Variants in DOCK9 observed in about 807,000 individuals in gnomAD.
DOCK9 encodes dedicator of cytokinesis protein 9.
Under a neutral mutation model 263.3 loss-of-function variants are expected in DOCK9, and 89 were observed. That is an observed-to-expected ratio of 0.34 (90% CI 0.28 to 0.40). The LOEUF (loss-of-function observed/expected upper bound fraction) is 0.40. Among genes scored for constraint, DOCK9 ranks in the 10% least tolerant of loss-of-function variants. The probability of loss-of-function intolerance (pLI) is 1.00; values close to 1 mark genes in which losing one functional copy is unlikely to be tolerated. For synonymous variants in DOCK9, 976 were observed against 973.1 expected (o/e 1.00, Z -0.06); for missense variants, 2,140 against 2,603.4 (o/e 0.82, Z 3.87).
intron 7 of DOCK9, among the ~76,000 whole-genome samples, chr13:98,917,298 A>G (rs2051041991): frequency 6.6e-6 from 1 of 152,234 alleles, no homozygotes; most frequent in African/African-American, 2.4e-5. Context: ...TTTTGCTTTA[A>G]CCTTCTTTTT....
At chr13:98,915,895 G>A (rs1398136036) in intron 7 of DOCK9, among the ~76,000 whole-genome samples, 1 of 152,082 alleles carries the variant, frequency 6.6e-6, no homozygotes, top group Non-Finnish European at 1.5e-5. Flanking sequence ...GAAATTTCAT[G>A]TAAAATTTTC....
intron 2 of DOCK9, among the ~76,000 whole-genome samples, chr13:98,938,219 G>A (rs148207279): frequency 4.6e-5 from 7 of 152,322 alleles, no homozygotes; most frequent in Middle Eastern, 3.4e-3. Flanking sequence ...AATGTGAAGC[G>A]AATCGTTTCA....
At chr13:98,867,730 A>T (rs1235266468) in intron 29 of DOCK9, among the ~76,000 whole-genome samples, 194 bp from the exon 30 acceptor site, 1 of 152,230 alleles carries the variant, frequency 6.6e-6, no homozygotes, top group Non-Finnish European at 1.5e-5. Flanking sequence ...ACATTTCAAT[A>T]AACAATGTCT....
At chr13:98,835,466 G>A (rs1009909156) in intron 39 of DOCK9, among the ~76,000 whole-genome samples, 1 of 152,144 alleles carries the variant, frequency 6.6e-6, no homozygotes, top group Non-Finnish European at 1.5e-5. Flanking sequence ...TCCCAGCTGG[G>A]GGGAGGTGAG....
intron 2 of DOCK9, among the ~76,000 whole-genome samples, chr13:98,949,388 C>G (rs1165319187): frequency 3.3e-5 from 5 of 152,148 alleles, no homozygotes; most frequent in Non-Finnish European, 7.3e-5. Context: ...TCTTACAGAG[C>G]CTTGTACATA....
In DOCK9 at chr13:99,081,015, A is replaced by G. The variant is rs78468788; in HGVS notation, c.129+5208T>C. 5.6e-3 allele frequency among the ~76,000 whole-genome samples: 856 copies of G among 152,294 alleles called. 7 individuals carry two copies. Among genetic ancestry groups the G allele is most frequent in the Middle Eastern group, 0.01 (3 of 294 alleles). On this transcript the variant is annotated intron_variant, in intron 1 of 32. Transcript: ENST00000427887. ...TCCTCCTGACAGTGTACTAATAATC[A>G]AAAGGACTAGAAGCCAAAGGAATGG...
intron 1 of DOCK9, among the ~76,000 whole-genome samples, chr13:99,019,898 C>T (rs552313709): frequency 3.5e-4 from 53 of 152,138 alleles, no homozygotes; most frequent in Admixed American, 2.0e-4. Flanking sequence ...GTCAGGAGTT[C>T]GAGACCAGCC....
chr13:98,917,409 A>G (rs2051059522), intron 7 of DOCK9, among the ~76,000 whole-genome samples: 1 of 152,216 alleles, frequency 6.6e-6, no homozygotes, highest in African/African-American at 2.4e-5. Context: ...CAAGAAGTCA[A>G]TTCACTGTCA....
chr13:98,848,446 C>CCA (rs1401371261), intron 37 of DOCK9, 146 bp downstream of exon 37: 1 of 741,956 alleles, frequency 1.3e-6, no homozygotes, highest in East Asian at 2.7e-5. Context: ...CCAGGCTCTG[C>CCA]GGTGGCAATC....
chr13:99,086,008 G>A (rs931536877), intron 1 of DOCK9, among the ~76,000 whole-genome samples: 1 of 152,136 alleles, frequency 6.6e-6, no homozygotes, highest in African/African-American at 2.4e-5. Context: ...CAGGATCTTG[G>A]GTGGCGGGGA....
At chr13:98,866,986 C>G (rs1025663540) in intron 30 of DOCK9, 12 of 360,104 alleles carry the variant, frequency 3.3e-5, no homozygotes, top group Non-Finnish European at 5.8e-5. Context: ...CATATGGAAG[C>G]AGTTCAGCCA....
intron 2 of DOCK9, among the ~76,000 whole-genome samples, chr13:98,945,971 G>A (rs1205630813): frequency 1.3e-5 from 2 of 152,166 alleles, no homozygotes; most frequent in African/African-American, 4.8e-5. Flanking sequence ...TTGGAAAAAG[G>A]TTTGCAGGGG....
In DOCK9 at chr13:98,989,343, G is replaced by GATA. The variant is rs1367507507; in HGVS notation, c.130-33793_130-33792insTAT. Among the ~76,000 whole-genome samples the GATA allele has an allele frequency of 6.0e-3, 726 of 121,214 alleles. 3 individuals are homozygous for GATA. Among genetic ancestry groups the GATA allele is most frequent in the African/African-American group, 0.017 (538 of 32,234 alleles). The allele number at this position is 121,214 out of a possible 152,430, so 79.5% of individuals were successfully genotyped here. ...TGATGATGATGATGATGATGATGAT[G>GATA]ATGATAATAATAATAATAATAATAA... On this transcript the variant is annotated intron_variant, in intron 1 of 32. Transcript: ENST00000427887.
At chr13:98,855,127 G>T (rs1392104202) in intron 34 of DOCK9, among the ~76,000 whole-genome samples, 1 of 152,202 alleles carries the variant, frequency 6.6e-6, no homozygotes, top group Non-Finnish European at 1.5e-5. Flanking sequence ...AGTATGAGGA[G>T]GAAGTGTTGT....
At chr13:98,991,892 C>T (rs1879899957) in intron 1 of DOCK9, among the ~76,000 whole-genome samples, 1 of 151,952 alleles carries the variant, frequency 6.6e-6, no homozygotes, top group Non-Finnish European at 1.5e-5. Context: ...AAGGAACATG[C>T]TGCTTGATGA....
chr13:98,983,224 T>C (rs1464225528), intron 1 of DOCK9, among the ~76,000 whole-genome samples: 1 of 152,072 alleles, frequency 6.6e-6, no homozygotes, highest in Admixed American at 6.5e-5. Context: ...TCTGGGGAAG[T>C]AGAAACAATA....
intron 8 of DOCK9, 137 bp from the exon 9 acceptor site, chr13:98,914,532 A>C: frequency 1.5e-6 from 1 of 683,644 alleles, no homozygotes. Context: ...CCTGGGAAAC[A>C]CTTGGGGTGC....
chr13:98,899,382 C>G (rs2047927100), intron 13 of DOCK9, among the ~76,000 whole-genome samples: 1 of 152,188 alleles, frequency 6.6e-6, no homozygotes, highest in South Asian at 2.1e-4. Flanking sequence ...CTATCCACAC[C>G]TGAAAATGGG....
intron 1 of DOCK9, among the ~76,000 whole-genome samples, chr13:98,975,238 G>A (rs2060127747): frequency 1.3e-5 from 2 of 151,922 alleles, no homozygotes; most frequent in Non-Finnish European, 2.9e-5. Context: ...AATTAGCTGG[G>A]CATGGTGGCG....
Sources: allele counts gnomAD v4.1 joint callset (sites outside exome capture counted in the v4.1 genomes callset), GRCh38; gene constraint gnomAD v4.1.1; transcripts MANE v1.5; gene names NCBI Gene and HGNC (gene_info 2026-07-23, HGNC 2026-07-21).